The following NEUROG3 variants were observed in gnomAD, a reference collection of about 807,000 sequenced individuals.
NEUROG3 encodes neurogenin-3.
For synonymous variants in NEUROG3, 161 were observed against 139.2 expected, an observed-to-expected ratio of 1.16 and a Z score of -1.10; for missense variants, 307 against 297.9, an observed-to-expected ratio of 1.03 and a Z score of -0.22.
chr10:69,572,946 G>A lies in NEUROG3; in HGVS notation c.98C>T (p.Thr33Met), dbSNP rs752844558. The stretch of plus-strand genomic sequence containing the variant: ...GCGAGTGGGGCTGGGCGGGGCGGAC[G>A]TGGGGCAGGTCACTTCGTCTTCCGA... ...RASEDEVTCP[T>M]SAPPSPTRTR... is the part of the protein sequence containing the mutation. Residue 33 changes from threonine to methionine, a missense_variant, in exon 2 of 2, where the codon ACG (threonine) becomes ATG (methionine). By Grantham distance (81) the Thr-to-Met change is moderately conservative (BLOSUM62 -1). Coordinates refer to ENST00000242462, the MANE Select transcript of NEUROG3 (RefSeq NM_020999.4). 6.2e-7 allele frequency: 1 copy of A among 1,613,106 alleles called. No individual in the cohort carries two copies. The highest frequency in any genetic ancestry group is 1.1e-5 in the South Asian group (1 of 91,062).
Position 69,573,234 on chromosome 10 carries a change from A to T in NEUROG3, c.-26T>A. 2 of 660,894 alleles carry T rather than the reference A, an allele frequency of 3.0e-6. No homozygotes were observed. The highest frequency in any genetic ancestry group is 5.1e-6 in the Non-Finnish European group (2 of 392,876). 40.9% of individuals were successfully genotyped at this position (660,894 alleles called of 1,614,324 possible). ...CCTTTCTACCGGCGCAAAAGAATAG[A>T]GAGCGATGAGCAGCGAGGGCCGTGG... is the stretch of plus-strand genomic sequence containing the variant. On this transcript the variant is annotated 5_prime_UTR_variant, in exon 1 of 2. Coordinates refer to ENST00000242462, the MANE Select transcript of NEUROG3 (RefSeq NM_020999.4).
intron 1 of NEUROG3, 47 bp downstream of exon 1, chr10:69,573,163 G>A (rs1589678720): frequency 8.7e-7 from 1 of 1,154,728 alleles, no homozygotes; most frequent in South Asian, 1.4e-5. Flanking sequence ...CTGGGTCAGA[G>A]GATCCCTCTT....
rs199756893 is a variant in NEUROG3 at position 69,572,576 on chromosome 10, G to T, written c.468C>A (p.Cys156Ter). The change falls in exon 2 of 2, where the codon TGC becomes TGA. Residue 156 changes from cysteine (C) to a stop codon, truncating the protein, a stop_gained. Transcript: ENST00000242462. LOFTEE classifies it low-confidence loss of function (END_TRUNC). Reference sequence around the variant, plus strand: ...AACCGCCTGGGCTGCCCAGCTCCCCGCAGTGCGGCGCCGGCGGCTCCAGCG... The same window carrying T: ...AACCGCCTGGGCTGCCCAGCTCCCCTCAGTGCGGCGCCGGCGGCTCCAGCG... ...LYALEPPAPH[C>*]GELGSPGGSP... is the part of the protein sequence containing the mutation. 14 of 1,613,310 alleles carry T rather than the reference G, an allele frequency of 8.7e-6. No homozygotes were observed. Among genetic ancestry groups the T allele is most frequent in the Admixed American group, 3.3e-5 (2 of 59,940 alleles).
Position 69,572,869 on chromosome 10 carries a change from T to C in NEUROG3, c.175A>G (p.Arg59Gly). 3.1e-6 allele frequency: 5 copies of C among 1,608,808 alleles called. No individual in the cohort carries two copies. The highest frequency in any genetic ancestry group is 2.2e-5 in the East Asian group (1 of 44,748). Residue 59 changes from arginine to glycine, a missense_variant, in exon 2 of 2, where the codon AGG becomes GGG. Coordinates refer to ENST00000242462, the MANE Select transcript of NEUROG3 (RefSeq NM_020999.4). ...AEEGGCRGAP[R>G]KLRARRGGRS... is the part of the protein sequence containing the mutation. ...CCCCCGCGCCGTGCCCGGAGCTTCC[T>C]CGGGGCCCCTCGGCAGCCTCCCTCT...
Position 69,572,280 on chromosome 10 carries a change from G to A in NEUROG3, c.*119C>T. ...CTGGGCCGGCCAGGGGTCAGCCAGG[G>A]AGAAGCAGAAGGAACAAGTGCTTTT... On this transcript the variant is annotated 3_prime_UTR_variant, in exon 2 of 2. Coordinates refer to ENST00000242462, the MANE Select transcript of NEUROG3 (RefSeq NM_020999.4). 8.3e-7 allele frequency: 1 copy of A among 1,209,022 alleles called. No homozygotes were observed. The allele number at this position is 1,209,022 out of a possible 1,614,324, so 74.9% of individuals were successfully genotyped here. A position where few individuals can be genotyped will look rare whatever the true frequency, so the allele number is the denominator to read the frequency against.
At position 69,573,309 on chromosome 10, in the gene NEUROG3, C is replaced by A; in HGVS notation, c.-101G>T. On this transcript the variant is annotated 5_prime_UTR_variant, in exon 1 of 2. Transcript: ENST00000242462. The stretch of plus-strand genomic sequence containing the variant: ...CAAGTTCAGCTGAGCTGCAGGCGCC[C>A]CCGCCTGGGAGTTGCCCCAGCCCCA... The A allele has an allele frequency of 1.8e-6, 1 of 556,158 alleles. No homozygotes were observed. The highest frequency in any genetic ancestry group is 3.2e-6 in the Non-Finnish European group (1 of 316,188). The allele number at this position is 556,158 out of a possible 1,614,324, so 34.5% of individuals were successfully genotyped here.
rs1395953867 is a variant in NEUROG3, at chr10:69,572,288, G to A, written c.*111C>T. The stretch of plus-strand genomic sequence containing the variant: ...GCCAGGGGTCAGCCAGGGAGAAGCA[G>A]AAGGAACAAGTGCTTTTGAGGGCCG... On this transcript the variant is annotated 3_prime_UTR_variant, in exon 2 of 2. Transcript: ENST00000242462. 5.5e-6 allele frequency: 7 copies of A among 1,270,504 alleles called. No individual in the cohort carries two copies. Among genetic ancestry groups the A allele is most frequent in the Non-Finnish European group, 7.7e-6 (7 of 913,814 alleles). The allele number at this position is 1,270,504 out of a possible 1,614,324, so 78.7% of individuals were successfully genotyped here. A position where few individuals can be genotyped will look rare whatever the true frequency, so the allele number is the denominator to read the frequency against.
Position 69,573,365 on chromosome 10 carries a change from GGC to G in NEUROG3, c.-159_-158del. 1 of 459,862 alleles carries G rather than the reference GGC, an allele frequency of 2.2e-6. No homozygotes were observed. Among genetic ancestry groups the G allele is most frequent in the Non-Finnish European group, 3.9e-6 (1 of 258,270 alleles). 28.5% of individuals were successfully genotyped at this position (459,862 alleles called of 1,614,324 possible). A position where few individuals can be genotyped will look rare whatever the true frequency, so the allele number is the denominator to read the frequency against. ...GAAAAGAAGAGAGAATGGGGTCCGAGGCCTCTGTCACGCTCTCTCTCGAGGCG... is the reference window on the plus strand; with the variant it reads ...GAAAAGAAGAGAGAATGGGGTCCGAGCTCTGTCACGCTCTCTCTCGAGGCG... On this transcript the variant is annotated 5_prime_UTR_variant, in exon 1 of 2. Coordinates refer to ENST00000242462, the MANE Select transcript of NEUROG3 (RefSeq NM_020999.4).
rs977610554 is a variant in NEUROG3 at position 69,572,295 on chromosome 10, C to G, written c.*104G>C. On this transcript the variant is annotated 3_prime_UTR_variant, in exon 2 of 2. Transcript: ENST00000242462. Reference sequence around the variant, plus strand: ...GTCAGCCAGGGAGAAGCAGAAGGAACAAGTGCTTTTGAGGGCCGCCGCCGT... The same window carrying G: ...GTCAGCCAGGGAGAAGCAGAAGGAAGAAGTGCTTTTGAGGGCCGCCGCCGT... 2.1e-5 allele frequency: 28 copies of G among 1,322,612 alleles called. No homozygotes were observed. Among genetic ancestry groups the G allele is most frequent in the Admixed American group, 1.2e-4 (6 of 49,122 alleles). 81.9% of individuals were successfully genotyped at this position (1,322,612 alleles called of 1,614,324 possible). A position where few individuals can be genotyped will look rare whatever the true frequency, so the allele number is the denominator to read the frequency against.
chr10:69,572,522 G>A lies in NEUROG3; in HGVS notation c.522C>T (p.Ser174=). ...GSPGDWGSLY[S]PVSQAGSLSP... is the part of the protein sequence containing the mutation. ...TCAGGCTGCCAGCCTGGGAGACTGGGGAGTAGAGGGACCCCCAGTCCCCGG... is the reference window on the plus strand; with the variant it reads ...TCAGGCTGCCAGCCTGGGAGACTGGAGAGTAGAGGGACCCCCAGTCCCCGG... The change falls in exon 2 of 2, where the codon TCC becomes TCT. Residue 174 remains serine (S), a synonymous_variant. Transcript: ENST00000242462. 1 of 1,599,488 alleles carries A rather than the reference G, an allele frequency of 6.3e-7. No homozygotes were observed. The highest frequency in any genetic ancestry group is 8.5e-7 in the Non-Finnish European group (1 of 1,173,228).
chr10:69,572,426 G>C lies in NEUROG3; in HGVS notation c.618C>G (p.Gly206=). 6.3e-7 allele frequency: 1 copy of C among 1,588,736 alleles called. No homozygotes were observed. The highest frequency in any genetic ancestry group is 8.5e-7 in the Non-Finnish European group (1 of 1,172,206). The stretch of plus-strand genomic sequence containing the variant: ...ACAGAAAATCTGAGAAAGCCAGACT[G>C]CCTGGGCTCAAGCAGGCGGAAAAGG... ...GATFSACLSP[G]SLAFSDFL is the part of the protein sequence containing the mutation. Residue 206 remains glycine, a synonymous_variant, in exon 2 of 2, where the codon GGC becomes GGG. Transcript: ENST00000242462.
At position 69,572,848 on chromosome 10, in the gene NEUROG3, C is replaced by T. The variant is rs771777155; in HGVS notation, c.196G>A (p.Gly66Arg). Residue 66 changes from glycine to arginine, a missense_variant, in exon 2 of 2, where the codon GGG becomes AGG. By Grantham distance (125) the Gly-to-Arg change is moderately radical. Coordinates refer to ENST00000242462, the MANE Select transcript of NEUROG3 (RefSeq NM_020999.4). Reference protein sequence around the residue: ...GAPRKLRARRGGRSRPKSELA... With the variant: ...GAPRKLRARRRGRSRPKSELA... ...TCGCTCTTAGGCCGGCTGCGTCCCC[C>T]GCGCCGTGCCCGGAGCTTCCTCGGG... 4 of 1,609,840 alleles carry T rather than the reference C, an allele frequency of 2.5e-6. No homozygotes were observed. The highest frequency in any genetic ancestry group is 1.7e-5 in the Admixed American group (1 of 59,568).
In NEUROG3 at chr10:69,571,737, C is replaced by T. The variant is rs541185494; in HGVS notation, c.*662G>A. On this transcript the variant is annotated 3_prime_UTR_variant, in exon 2 of 2. Transcript: ENST00000242462. ...TGCAGCGCAGCTCACGTTTCAGGCG[C>T]AGTTCGCAGGGAGGCTGGGGAGATG... 1 of 152,376 alleles carries T rather than the reference C, an allele frequency of 6.6e-6. No individual in the cohort carries two copies. Among genetic ancestry groups the T allele is most frequent in the South Asian group, 2.1e-4 (1 of 4,828 alleles). 9.4% of individuals were successfully genotyped at this position (152,376 alleles called of 1,614,324 possible).
Position 69,572,138 on chromosome 10 carries a change from G to A in NEUROG3, c.*261C>T. 1 of 574,196 alleles carries A rather than the reference G, an allele frequency of 1.7e-6. No homozygotes were observed. Among genetic ancestry groups the A allele is most frequent in the Non-Finnish European group, 3.1e-6 (1 of 320,938 alleles). 35.6% of individuals were successfully genotyped at this position (574,196 alleles called of 1,614,324 possible). ...ATTATGGGGTGGTGGCAGAGAGGAG[G>A]CCTAAAATGAGCGCACTTTGCAATG... On this transcript the variant is annotated 3_prime_UTR_variant, in exon 2 of 2. Transcript: ENST00000242462.
rs1356376989 is a variant in NEUROG3, at chr10:69,573,299, T to C, written c.-91A>G. On this transcript the variant is annotated 5_prime_UTR_variant, in exon 1 of 2. Coordinates refer to ENST00000242462, the MANE Select transcript of NEUROG3 (RefSeq NM_020999.4). ...TTCTGGTCGCCAAGTTCAGCTGAGC[T>C]GCAGGCGCCCCCGCCTGGGAGTTGC... The C allele has an allele frequency of 2.5e-5, 14 of 561,532 alleles. No individual in the cohort carries two copies. Among genetic ancestry groups the C allele is most frequent in the Middle Eastern group, 4.7e-4 (1 of 2,150 alleles). 34.8% of individuals were successfully genotyped at this position (561,532 alleles called of 1,614,324 possible).
At position 69,572,356 on chromosome 10, in the gene NEUROG3, C is replaced by T. The variant is rs1216658007; in HGVS notation, c.*43G>A. 18 of 1,566,366 alleles carry T rather than the reference C, an allele frequency of 1.1e-5. No homozygotes were observed. The highest frequency in any genetic ancestry group is 2.3e-5 in the South Asian group (2 of 86,882). On this transcript the variant is annotated 3_prime_UTR_variant, in exon 2 of 2. Transcript: ENST00000242462. ...CTACGGCTCCCGGCTCCCTCCCTCT[C>T]CCTTACCCTTAGCACCCACAGCCCA...
At position 69,572,410 on chromosome 10, in the gene NEUROG3, CTG is replaced by C; in HGVS notation, c.632_633del (p.Ser211Ter). On this transcript the variant is annotated frameshift_variant, in exon 2 of 2. Coordinates refer to ENST00000242462, the MANE Select transcript of NEUROG3 (RefSeq NM_020999.4). LOFTEE classifies it high-confidence loss of function. ...ACLSPGSLAF[S>X]DFL ...ACAGACAGGTCCTTTCACAGAAAAT[CTG>C]AGAAAGCCAGACTGCCTGGGCTCAA... 6.3e-7 allele frequency: 1 copy of C among 1,586,950 alleles called. No homozygotes were observed. The highest frequency in any genetic ancestry group is 1.3e-5 in the African/African-American group (1 of 74,558).
In NEUROG3 at chr10:69,572,241, G is replaced by T; in HGVS notation, c.*158C>A. Reference sequence around the variant, plus strand: ...GGCCGGGGAATGAACCCAGCCTGCCGCCCCCGTGGAGGCCTGGGCCGGCCA... The same window carrying T: ...GGCCGGGGAATGAACCCAGCCTGCCTCCCCCGTGGAGGCCTGGGCCGGCCA... On this transcript the variant is annotated 3_prime_UTR_variant, in exon 2 of 2. Transcript: ENST00000242462. 2 of 819,506 alleles carry T rather than the reference G, an allele frequency of 2.4e-6. No homozygotes were observed. Among genetic ancestry groups the T allele is most frequent in the Non-Finnish European group, 3.7e-6 (2 of 533,416 alleles). The allele number at this position is 819,506 out of a possible 1,614,324, so 50.8% of individuals were successfully genotyped here.
rs1839242875 is a variant in NEUROG3, at chr10:69,573,230, A to G, written c.-22T>C. 5 of 665,142 alleles carry G rather than the reference A, an allele frequency of 7.5e-6. No individual in the cohort carries two copies. The South Asian group carries it at 9.7e-5, about 13-fold the overall frequency. 41.2% of individuals were successfully genotyped at this position (665,142 alleles called of 1,614,324 possible). ...ATTACCTTTCTACCGGCGCAAAAGAATAGAGAGCGATGAGCAGCGAGGGCC... is the reference window on the plus strand; with the variant it reads ...ATTACCTTTCTACCGGCGCAAAAGAGTAGAGAGCGATGAGCAGCGAGGGCC... On this transcript the variant is annotated 5_prime_UTR_variant, in exon 1 of 2. Coordinates refer to ENST00000242462, the MANE Select transcript of NEUROG3 (RefSeq NM_020999.4).
Sources: gnomAD v4.1 joint callset for allele counts on GRCh38, gnomAD v4.1.1 for gene constraint, MANE v1.5 for transcripts, NCBI Gene and HGNC (gene_info 2026-07-23, HGNC 2026-07-21) for gene names.